The following KLHL20 variants were observed in gnomAD, a reference collection of about 807,000 sequenced individuals.
KLHL20 encodes kelch like family member 20.
A neutral mutation model predicts 69.5 loss-of-function variants in KLHL20; 29 were observed. That is an observed-to-expected ratio of 0.42 (90% CI 0.31 to 0.57). KLHL20 has a LOEUF of 0.57. KLHL20 is among the 20% of genes least tolerant of loss of function. KLHL20 has a pLI of 0.18. For missense variants in KLHL20, 419 were observed against 776.0 expected (o/e 0.54, Z 5.47); for synonymous variants, 253 against 265.2 (o/e 0.95, Z 0.45).
rs1649167260 is a variant in KLHL20, at chr1:173,785,721, C to T, written c.*474C>T. 1.3e-5 allele frequency: 2 copies of T among 151,052 alleles called. No individual in the cohort carries two copies. The highest frequency in any genetic ancestry group is 2.9e-5 in the Non-Finnish European group (2 of 67,860). 9.4% of individuals were successfully genotyped at this position (151,052 alleles called of 1,614,324 possible). On this transcript the variant is annotated 3_prime_UTR_variant, in exon 12 of 12. Coordinates refer to ENST00000209884, the MANE Select transcript of KLHL20 (RefSeq NM_014458.4). Reference sequence around the variant, plus strand: ...GTATTAGCTACCCATTATTCTCGCACTAACCACCAGAAGACTTGAAAATCT... The same window carrying T: ...GTATTAGCTACCCATTATTCTCGCATTAACCACCAGAAGACTTGAAAATCT...
chr1:173,724,723 T>C (rs1671875418), intron 2 of KLHL20, among the ~76,000 whole-genome samples: 1 of 152,186 alleles, frequency 6.6e-6, no homozygotes, highest in Admixed American at 6.6e-5. Flanking sequence ...GAGGATCAGT[T>C]GAGCCTAGGA....
intron 8 of KLHL20, among the ~76,000 whole-genome samples, chr1:173,770,438 C>G (rs763452632): frequency 6.6e-6 from 1 of 152,112 alleles, no homozygotes; most frequent in East Asian, 1.9e-4. Flanking sequence ...TGGCTCACGC[C>G]TGTAATCCCA....
intron 3 of KLHL20, among the ~76,000 whole-genome samples, chr1:173,749,575 C>T (rs1169025081): frequency 6.6e-6 from 1 of 152,110 alleles, no homozygotes; most frequent in African/African-American, 2.4e-5. Context: ...GCATTTTAGC[C>T]AGGCATGTCT....
Position 173,756,537 on chromosome 1 carries a change from TAAAAAATAAAA to T in KLHL20, c.968-437_968-427del, listed in dbSNP as rs1673556351. On this transcript the variant is annotated intron_variant, in intron 6 of 11. Transcript: ENST00000209884. ...CAGAACAAGATCCTGTCTCAAAAAA[TAAAAAATAAAA>T]ATGTCGTGCAGTAGATGTTTTGTTG... is the stretch of plus-strand genomic sequence containing the variant. 2.6e-5 allele frequency among the ~76,000 whole-genome samples: 4 copies of T among 152,052 alleles called. No individual in the cohort carries two copies. The South Asian group carries it at 8.3e-4, about 31-fold the overall frequency.
rs370111506 is a variant in KLHL20, at chr1:173,785,276, C to T, written c.*29C>T. ...CAGAGAAGACAGTCTTGTATATATT[C>T]CTCTGTATTCTGGGGAGCTTTGACC... On this transcript the variant is annotated 3_prime_UTR_variant, in exon 12 of 12. Transcript: ENST00000209884. The T allele has an allele frequency of 2.1e-5, 32 of 1,501,696 alleles. No individual in the cohort carries two copies. Among genetic ancestry groups the T allele is most frequent in the Non-Finnish European group, 2.7e-5 (30 of 1,100,374 alleles). The allele number at this position is 1,501,696 out of a possible 1,614,324, so 93.0% of individuals were successfully genotyped here. A position where few individuals can be genotyped will look rare whatever the true frequency, so the allele number is the denominator to read the frequency against.
chr1:173,747,710 T>C (rs1462920222), intron 3 of KLHL20, among the ~76,000 whole-genome samples: 1 of 152,072 alleles, frequency 6.6e-6, no homozygotes, highest in Non-Finnish European at 1.5e-5. Flanking sequence ...GATTCAGTTA[T>C]ATTTACTGTA....
At chr1:173,739,578 A>G (rs1305524169) in intron 3 of KLHL20, among the ~76,000 whole-genome samples, 1 of 151,066 alleles carries the variant, frequency 6.6e-6, no homozygotes, top group Non-Finnish European at 1.5e-5. Context: ...TAGTTTGTGC[A>G]CATAAGGATG....
chr1:173,780,919 T>C (rs1571941010), intron 10 of KLHL20, among the ~76,000 whole-genome samples: 1 of 151,140 alleles, frequency 6.6e-6, no homozygotes, highest in African/African-American at 2.4e-5. Flanking sequence ...TTAATAGAGA[T>C]GGGGTTTCAC....
rs756322383 is a variant in KLHL20, at chr1:173,757,059, A to G, written c.1051A>G (p.Met351Val). ...CAATGAATGGAGAATGGTGGCTTCA[A>G]TGAGCAAAAGGAGATGCGGAGTTGG... ...QTNEWRMVAS[M>V]SKRRCGVGVS... Residue 351 changes from methionine to valine, a missense_variant, in exon 7 of 12, where the codon ATG (methionine) becomes GTG (valine). Physicochemically the swap from Met to Val is conservative, Grantham distance 21. Coordinates refer to ENST00000209884, the MANE Select transcript of KLHL20 (RefSeq NM_014458.4). The G allele has an allele frequency of 1.9e-6, 3 of 1,614,202 alleles. No homozygotes were observed. Among genetic ancestry groups the G allele is most frequent in the South Asian group, 1.1e-5 (1 of 91,084 alleles).
chr1:173,763,806 C>G lies in KLHL20; in HGVS notation c.1152-2340C>G, dbSNP rs1048216549. ...ATTCTAGAAGATAACATTGGAAAAA[C>G]CCCTCTTGACATTGGCTTAGGCAAG... On this transcript the variant is annotated intron_variant, in intron 7 of 11. Transcript: ENST00000209884. Among the ~76,000 whole-genome samples the G allele has an allele frequency of 4.0e-5, 6 of 151,454 alleles. No individual in the cohort carries two copies. In the South Asian group the frequency reaches 1.0e-3, roughly 26 times the overall value.
intron 2 of KLHL20, among the ~76,000 whole-genome samples, chr1:173,728,562 T>C (rs1393598338): frequency 6.6e-6 from 1 of 152,112 alleles, no homozygotes; most frequent in Non-Finnish European, 1.5e-5. Flanking sequence ...CACAGTGCAA[T>C]CAAACTAGAA....
chr1:173,742,620 GATATATACACATACGTGT>G (rs1672856614), intron 3 of KLHL20, among the ~76,000 whole-genome samples: 1 of 150,978 alleles, frequency 6.6e-6, no homozygotes, highest in African/African-American at 2.4e-5. Flanking sequence ...TATACGTGCA[GATATATACACATACGTGT>G]ATATACGTGT....
Position 173,733,710 on chromosome 1 carries a change from T to C in KLHL20, c.24-3T>C, listed in dbSNP as rs757194535. 9.3e-6 allele frequency: 15 copies of C among 1,607,094 alleles called. No homozygotes were observed. In the Admixed American group the frequency reaches 1.2e-4, roughly 13 times the overall value. On this transcript the variant is annotated splice_region_variant and splice_polypyrimidine_tract_variant and intron_variant, in intron 2 of 11. Coordinates refer to ENST00000209884, the MANE Select transcript of KLHL20 (RefSeq NM_014458.4). ...TTCTCTCTCTCCCCCATCATTCCTATAGGTGTACCAACATTCGACCAGGAG... is the reference window on the plus strand; with the variant it reads ...TTCTCTCTCTCCCCCATCATTCCTACAGGTGTACCAACATTCGACCAGGAG...
At chr1:173,742,722 A>G (rs1242723541) in intron 3 of KLHL20, among the ~76,000 whole-genome samples, 5 of 150,932 alleles carry the variant, frequency 3.3e-5, no homozygotes, top group East Asian at 1.9e-4. Context: ...GTACACATGT[A>G]TGTATATACA....
chr1:173,715,916 C>T lies in KLHL20; in HGVS notation c.-41-87C>T, dbSNP rs1395572606. 16 of 955,590 alleles carry T rather than the reference C, an allele frequency of 1.7e-5. No homozygotes were observed. The South Asian group carries it at 2.0e-4, about 12-fold the overall frequency. The allele number at this position is 955,590 out of a possible 1,614,324, so 59.2% of individuals were successfully genotyped here. On this transcript the variant is annotated intron_variant, in intron 1 of 11. Transcript: ENST00000209884. ...AGGATATGAAACTCTTGATAACTGACGAAATGAGTGAAATGATTATATAAA... is the reference window on the plus strand; with the variant it reads ...AGGATATGAAACTCTTGATAACTGATGAAATGAGTGAAATGATTATATAAA...
intron 2 of KLHL20, among the ~76,000 whole-genome samples, chr1:173,719,882 A>G (rs2102451121): frequency 6.6e-6 from 1 of 152,368 alleles, no homozygotes; most frequent in South Asian, 2.1e-4. Flanking sequence ...TGGTTTATTC[A>G]TATATCAAAC....
intron 11 of KLHL20, among the ~76,000 whole-genome samples, chr1:173,783,008 A>G (rs2102543604): frequency 6.6e-6 from 1 of 152,368 alleles, no homozygotes; most frequent in East Asian, 1.9e-4. Flanking sequence ...GATGCCCTAA[A>G]AAGCCAAATT....
intron 7 of KLHL20, among the ~76,000 whole-genome samples, chr1:173,765,222 G>A (rs894165163): frequency 6.6e-6 from 1 of 152,046 alleles, no homozygotes; most frequent in Non-Finnish European, 1.5e-5. Flanking sequence ...AAGCATACTC[G>A]GCCGGACATG....
chr1:173,768,510 ATC>A (rs1647874227), intron 8 of KLHL20, among the ~76,000 whole-genome samples: 1 of 152,218 alleles, frequency 6.6e-6, no homozygotes, highest in African/African-American at 2.4e-5. Context: ...GTTCCCTTTT[ATC>A]TCTCTGTCAA....
Sources: allele counts gnomAD v4.1 joint callset (sites outside exome capture counted in the v4.1 genomes callset), GRCh38; gene constraint gnomAD v4.1.1; transcripts MANE v1.5; gene names NCBI Gene and HGNC (gene_info 2026-07-23, HGNC 2026-07-21).